MSRA: variants seen among roughly 807,000 people sequenced by gnomAD.
MSRA encodes mitochondrial peptide methionine sulfoxide reductase.
A neutral mutation model predicts 31.3 loss-of-function variants in MSRA; 54 were observed. The observed-to-expected ratio is 1.73, with a 90% CI of 1.39 to 2.17. The LOEUF (loss-of-function observed/expected upper bound fraction) is 2.17. MSRA is among the 30% of genes most tolerant of loss of function. The pLI is 0.00. For missense variants in MSRA, 507 were observed against 300.9 expected, an observed-to-expected ratio of 1.69 and a Z score of -5.07; for synonymous variants, 169 against 116.5, an observed-to-expected ratio of 1.45 and a Z score of -2.90.
At chr8:10,368,451 C>T (rs947282040) in intron 5 of MSRA, among the ~76,000 whole-genome samples, 1 of 152,194 alleles carries the variant, frequency 6.6e-6, no homozygotes, top group African/African-American at 2.4e-5. Flanking sequence ...CTTCCAGGGG[C>T]TGTGAGTGTT....
At chr8:10,164,798 A>G (rs1804972148) in intron 1 of MSRA, among the ~76,000 whole-genome samples, 1 of 152,198 alleles carries the variant, frequency 6.6e-6, no homozygotes, top group Non-Finnish European at 1.5e-5. Flanking sequence ...TGGGAGACCT[A>G]GGCGGTGGAT....
chr8:10,156,934 T>A (rs1213765640), intron 1 of MSRA, among the ~76,000 whole-genome samples: 1 of 151,250 alleles, frequency 6.6e-6, no homozygotes, highest in Non-Finnish European at 1.5e-5. Flanking sequence ...TACCTGTCAT[T>A]TATGAAGACC....
In MSRA at chr8:10,297,084, G is replaced by C. The variant is rs955780910; in HGVS notation, c.332-4450G>C. ...TGTAAACATTGGTTGACTTATCTCG[G>C]GGTTCTCTTTAAAGGCACCTAGTTC... On this transcript the variant is annotated intron_variant, in intron 3 of 5. Coordinates refer to ENST00000317173, the MANE Select transcript of MSRA (RefSeq NM_012331.5). 3.9e-5 allele frequency among the ~76,000 whole-genome samples: 6 copies of C among 152,168 alleles called. 1 individual carries two copies. The Middle Eastern group carries it at 0.01, about 259-fold the overall frequency.
At chr8:10,150,262 A>G (rs1389855376) in intron 1 of MSRA, among the ~76,000 whole-genome samples, 1 of 152,134 alleles carries the variant, frequency 6.6e-6, no homozygotes, top group Non-Finnish European at 1.5e-5. Context: ...TGCTAATTAC[A>G]TCTATGAATA....
At chr8:10,071,563 G>T (rs1797733617) in intron 1 of MSRA, among the ~76,000 whole-genome samples, 2 of 150,216 alleles carry the variant, frequency 1.3e-5, no homozygotes. Flanking sequence ...TTCATGTCAA[G>T]TCTAAGAACT....
intron 1 of MSRA, among the ~76,000 whole-genome samples, chr8:10,063,060 G>A (rs583167): frequency 0.22 from 32,819 of 151,966 alleles, 3,754 homozygotes; most frequent in Admixed American, 0.3. Context: ...TTCCAAATAC[G>A]AGATGCTGTA....
chr8:10,105,054 T>C (rs1178012061), intron 1 of MSRA, among the ~76,000 whole-genome samples: 1 of 152,224 alleles, frequency 6.6e-6, no homozygotes, highest in East Asian at 1.9e-4. Flanking sequence ...CATCTTTTAA[T>C]ATTGGTAATT....
At chr8:10,354,750 G>GTGTATATATATATA (rs371336632) in intron 5 of MSRA, among the ~76,000 whole-genome samples, 5 of 138,402 alleles carry the variant, frequency 3.6e-5, no homozygotes, top group African/African-American at 8.3e-5. Context: ...GTGTGTGTGT[G>GTGTATATATATATA]TATATATATA....
rs116762029 is a variant in MSRA, at chr8:10,281,620, A to G, written c.332-19914A>G. 5.9e-3 allele frequency among the ~76,000 whole-genome samples: 896 copies of G among 152,364 alleles called. 14 individuals carry two copies. The highest frequency in any genetic ancestry group is 0.021 in the African/African-American group (865 of 41,586). The stretch of plus-strand genomic sequence containing the variant: ...CTTAGAAAAATGCTATCGATAAGAA[A>G]TGGTCTTTCAGAGACGATTTCCGGC... On this transcript the variant is annotated intron_variant, in intron 3 of 5. Coordinates refer to ENST00000317173, the MANE Select transcript of MSRA (RefSeq NM_012331.5).
intron 5 of MSRA, among the ~76,000 whole-genome samples, chr8:10,381,785 G>C (rs1317932851): frequency 6.6e-6 from 1 of 152,182 alleles, no homozygotes; most frequent in Non-Finnish European, 1.5e-5. Context: ...TGAGACCTTT[G>C]CTTCCGTGGA....
chr8:10,231,088 T>C (rs1190356435), intron 2 of MSRA, among the ~76,000 whole-genome samples: 1 of 152,094 alleles, frequency 6.6e-6, no homozygotes, highest in Non-Finnish European at 1.5e-5. Context: ...ACCCAGCCTG[T>C]TCTGTAGTTT....
intron 3 of MSRA, among the ~76,000 whole-genome samples, chr8:10,292,299 C>T (rs529331284): frequency 6.6e-6 from 1 of 152,318 alleles, no homozygotes; most frequent in South Asian, 2.1e-4. Context: ...AGCACGAGGG[C>T]TCCTCCGGCC....
intron 1 of MSRA, among the ~76,000 whole-genome samples, chr8:10,168,522 G>A (rs1047568784): frequency 4.6e-5 from 7 of 152,146 alleles, no homozygotes; most frequent in African/African-American, 1.7e-4. Context: ...TAGGGAGGAG[G>A]GAAGTAGCAT....
intron 5 of MSRA, among the ~76,000 whole-genome samples, chr8:10,388,181 C>G (rs1806511639): frequency 6.6e-6 from 1 of 152,178 alleles, no homozygotes; most frequent in South Asian, 2.1e-4. Flanking sequence ...CTTCAATACC[C>G]TCTTCAGCTG....
chr8:10,385,812 T>TGGGGGGGGGGG (rs112720423), intron 5 of MSRA, among the ~76,000 whole-genome samples: 7 of 145,774 alleles, frequency 4.8e-5, no homozygotes, highest in Admixed American at 7.0e-5. Context: ...TGGTGGGGGG[T>TGGGGGGGGGGG]GGGGTGTCTT....
chr8:10,091,204 C>T (rs1798837646), intron 1 of MSRA, among the ~76,000 whole-genome samples: 1 of 152,084 alleles, frequency 6.6e-6, no homozygotes, highest in South Asian at 2.1e-4. Flanking sequence ...AGAATTTTTT[C>T]ATCTATATTC....
intron 1 of MSRA, among the ~76,000 whole-genome samples, chr8:10,071,372 CTT>C (rs1165977485): frequency 1.3e-4 from 20 of 149,360 alleles, no homozygotes; most frequent in Admixed American, 1.1e-3. Flanking sequence ...TCAGCGGAGT[CTT>C]TTATATATTC....
At chr8:10,216,085 A>C (rs1809963411) in intron 2 of MSRA, among the ~76,000 whole-genome samples, 1 of 152,228 alleles carries the variant, frequency 6.6e-6, no homozygotes, top group South Asian at 2.1e-4. Flanking sequence ...AAAAATACGG[A>C]GCAATCAAGG....
chr8:10,176,807 C>G (rs1279428446), intron 1 of MSRA, among the ~76,000 whole-genome samples: 1 of 152,174 alleles, frequency 6.6e-6, no homozygotes, highest in Non-Finnish European at 1.5e-5. Flanking sequence ...CTCCTGCCAT[C>G]ACTCTCAGAA....
Sources: allele counts gnomAD v4.1 joint callset (sites outside exome capture counted in the v4.1 genomes callset), GRCh38; gene constraint gnomAD v4.1.1; transcripts MANE v1.5; gene names NCBI Gene and HGNC (gene_info 2026-07-23, HGNC 2026-07-21).